NECAB1: variants seen among roughly 807,000 people sequenced by gnomAD.
NECAB1 encodes the protein N-terminal EF-hand calcium-binding protein 1.
NECAB1 carries 29 observed loss-of-function variants against 57.5 expected under a neutral mutation model. The ratio of observed to expected loss-of-function variants is 0.50; its 90% CI spans 0.38 to 0.69. The LOEUF (loss-of-function observed/expected upper bound fraction) is 0.69, where lower values mean the gene tolerates loss of function less well. Ranked by LOEUF, NECAB1 falls within the 30% of genes least tolerant of loss-of-function variation. NECAB1 has a pLI of 0.00. For missense variants in NECAB1, 372 were observed against 413.8 expected (o/e 0.90, Z 0.88); for synonymous variants, 142 against 147.7 (o/e 0.96, Z 0.28).
chr8:90,912,288 A>G (rs761826963), intron 5 of NECAB1, among the ~76,000 whole-genome samples: 4 of 152,202 alleles, frequency 2.6e-5, no homozygotes, highest in Non-Finnish European at 5.9e-5. Context: ...GTCTCCTGAT[A>G]TGAGACAGAA....
chr8:90,876,469 T>G (rs1461190423), intron 4 of NECAB1, among the ~76,000 whole-genome samples: 1 of 152,052 alleles, frequency 6.6e-6, no homozygotes, highest in Non-Finnish European at 1.5e-5. Flanking sequence ...TCTAAACTCA[T>G]GAGAATACTT....
intron 2 of NECAB1, among the ~76,000 whole-genome samples, chr8:90,821,025 C>G (rs1189140345): frequency 6.6e-6 from 1 of 151,744 alleles, no homozygotes; most frequent in East Asian, 1.9e-4. Context: ...CTTTCTGGAC[C>G]CTTTTCTTCC....
intron 5 of NECAB1, among the ~76,000 whole-genome samples, chr8:90,903,392 A>C (rs1057260221): frequency 6.6e-6 from 1 of 152,128 alleles, no homozygotes. Flanking sequence ...AGAAAAAAAC[A>C]TGTCACATAT....
intron 10 of NECAB1, among the ~76,000 whole-genome samples, chr8:90,945,407 C>T (rs1341420000): frequency 1.3e-5 from 2 of 151,984 alleles, no homozygotes; most frequent in East Asian, 1.9e-4. Flanking sequence ...ATCATGTTGC[C>T]CTGGATGGTC....
intron 5 of NECAB1, among the ~76,000 whole-genome samples, chr8:90,896,370 C>T (rs1487526184): frequency 6.6e-6 from 1 of 151,908 alleles, no homozygotes; most frequent in Non-Finnish European, 1.5e-5. Context: ...TTTGGGAGGC[C>T]GAGGCAGGCG....
At chr8:90,839,232 C>T (rs1812417365) in intron 3 of NECAB1, among the ~76,000 whole-genome samples, 1 of 152,132 alleles carries the variant, frequency 6.6e-6, no homozygotes, top group African/African-American at 2.4e-5. Context: ...AGTGAAGTTT[C>T]TTAGGAATTC....
intron 2 of NECAB1, among the ~76,000 whole-genome samples, chr8:90,816,244 A>G (rs979565346): frequency 4.6e-5 from 7 of 151,808 alleles, no homozygotes; most frequent in Admixed American, 1.3e-4. Context: ...TTTGTATATT[A>G]TGGATATAAG....
At chr8:90,840,569 G>T (rs1812437580) in intron 3 of NECAB1, among the ~76,000 whole-genome samples, 1 of 152,158 alleles carries the variant, frequency 6.6e-6, no homozygotes, top group South Asian at 2.1e-4. Context: ...ATTTTTTATT[G>T]CTTTACTATC....
intron 3 of NECAB1, among the ~76,000 whole-genome samples, chr8:90,865,782 C>A (rs1235330755): frequency 6.6e-6 from 1 of 152,130 alleles, no homozygotes; most frequent in African/African-American, 2.4e-5. Context: ...AAACAATTGG[C>A]CCCTGCCTAT....
intron 2 of NECAB1, among the ~76,000 whole-genome samples, chr8:90,818,336 T>C (rs957298497): frequency 7.2e-5 from 11 of 152,044 alleles, no homozygotes; most frequent in Non-Finnish European, 1.6e-4. Context: ...TATTTTGAAT[T>C]AAATTATTTT....
intron 2 of NECAB1, among the ~76,000 whole-genome samples, chr8:90,808,493 G>A (rs2129662542): frequency 6.6e-6 from 1 of 152,252 alleles, no homozygotes; most frequent in South Asian, 2.1e-4. Context: ...CTGTGAAGTG[G>A]AAATAAAGGC....
chr8:90,933,729 TAAAAA>T (rs1253935703), intron 8 of NECAB1, among the ~76,000 whole-genome samples: 1 of 146,776 alleles, frequency 6.8e-6, no homozygotes, highest in African/African-American at 2.5e-5. Flanking sequence ...CCTATGGAAA[TAAAAA>T]AAAAAACTTT....
chr8:90,884,175 C>T (rs1314732115), intron 5 of NECAB1, among the ~76,000 whole-genome samples: 2 of 152,142 alleles, frequency 1.3e-5, no homozygotes, highest in East Asian at 3.9e-4. Context: ...ACACAGCCTA[C>T]AATACATTTT....
intron 10 of NECAB1, among the ~76,000 whole-genome samples, chr8:90,941,380 A>C (rs1810665842): frequency 1.3e-5 from 2 of 152,244 alleles, no homozygotes; most frequent in South Asian, 4.1e-4. Context: ...GGCCTTGGTC[A>C]TTAAAAGAAA....
intron 3 of NECAB1, among the ~76,000 whole-genome samples, chr8:90,858,530 A>G (rs1303369667): frequency 6.6e-6 from 1 of 152,162 alleles, no homozygotes; most frequent in African/African-American, 2.4e-5. Flanking sequence ...TGAAAGAAAG[A>G]GAGTATATCC....
intron 12 of NECAB1, among the ~76,000 whole-genome samples, chr8:90,952,932 A>G (rs1457615586): frequency 1.3e-5 from 2 of 152,168 alleles, no homozygotes; most frequent in Non-Finnish European, 2.9e-5. Context: ...TCCCTACCCT[A>G]TTACAGTATT....
intron 5 of NECAB1, among the ~76,000 whole-genome samples, chr8:90,882,294 C>T (rs1220777758): frequency 6.6e-6 from 1 of 151,936 alleles, no homozygotes; most frequent in Admixed American, 6.6e-5. Context: ...AATAAAGACT[C>T]AACTGAATTT....
Position 90,850,946 on chromosome 8 carries a change from C to T in NECAB1, c.234-21182C>T, listed in dbSNP as rs1875900. Among the ~76,000 whole-genome samples, 1,385 of 152,226 alleles carry T rather than the reference C, an allele frequency of 9.1e-3. 20 individuals are homozygous for T. Among genetic ancestry groups the T allele is most frequent in the African/African-American group, 0.031 (1,298 of 41,506 alleles). On this transcript the variant is annotated intron_variant, in intron 3 of 12. Transcript: ENST00000417640. ...ATGGGGGCTGGTTTGCCAGAGGAAC[C>T]AACCAAGTGATTAGAGGATCGGAAC...
In NECAB1 at chr8:90,791,883, G is replaced by A. The variant is rs186563385; in HGVS notation, c.-4G>A. ...TCCGCCTGAGGCCGTCAGGGCTCCCGAGGATGGAAGATTCCCAGGAGACAT... is the reference window on the plus strand; with the variant it reads ...TCCGCCTGAGGCCGTCAGGGCTCCCAAGGATGGAAGATTCCCAGGAGACAT... On this transcript the variant is annotated 5_prime_UTR_variant, in exon 1 of 13. Transcript: ENST00000417640. The A allele has an allele frequency of 2.0e-5, 31 of 1,550,208 alleles. No homozygotes were observed. Among genetic ancestry groups the A allele is most frequent in the African/African-American group, 1.8e-4 (13 of 73,172 alleles).
Sources: gnomAD v4.1 joint callset for allele counts (sites outside exome capture counted in the v4.1 genomes callset) on GRCh38, gnomAD v4.1.1 for gene constraint, MANE v1.5 for transcripts, NCBI Gene and HGNC (gene_info 2026-07-23, HGNC 2026-07-21) for gene names.